Variants in MAP4 observed in about 807,000 individuals in gnomAD.
MAP4 encodes the protein microtubule-associated protein 4.
In MAP4, 76 loss-of-function variants were observed where a neutral mutation model predicts 170.2. That is an observed-to-expected ratio of 0.45 (90% CI 0.37 to 0.54). MAP4 has a LOEUF of 0.54. Among genes scored for constraint, MAP4 ranks in the 20% least tolerant of loss-of-function variants. The pLI is 0.00. For missense variants in MAP4, 2,506 were observed against 2,748.0 expected (o/e 0.91, Z 1.97); for synonymous variants, 909 against 994.5 (o/e 0.91, Z 1.62).
At chr3:47,858,021 CTTT>C (rs397817713) in intron 17 of MAP4, among the ~76,000 whole-genome samples, 2 of 118,370 alleles carry the variant, frequency 1.7e-5, no homozygotes, top group African/African-American at 3.3e-5. Flanking sequence ...CTGGCCTTCA[CTTT>C]TTTTTTTTTT....
chr3:47,940,785 A>G (rs1053481201), intron 3 of MAP4, among the ~76,000 whole-genome samples: 1 of 152,228 alleles, frequency 6.6e-6, no homozygotes, highest in Non-Finnish European at 1.5e-5. Context: ...AACAACCTTT[A>G]AGAAACTACC....
At chr3:47,895,820 C>T (rs1386506249) in intron 10 of MAP4, among the ~76,000 whole-genome samples, 1 of 152,188 alleles carries the variant, frequency 6.6e-6, no homozygotes, top group Non-Finnish European at 1.5e-5. Context: ...AGAGCAGAAA[C>T]CAGAAGAATG....
At chr3:47,880,576 A>T (rs1053900134) in intron 10 of MAP4, among the ~76,000 whole-genome samples, 1 of 146,980 alleles carries the variant, frequency 6.8e-6, no homozygotes, top group African/African-American at 2.5e-5. Flanking sequence ...AGAGACCCTA[A>T]TGCCTCAGCC....
chr3:48,088,093 G>T (rs1314303972), intron 1 of MAP4, among the ~76,000 whole-genome samples: 2 of 152,140 alleles, frequency 1.3e-5, no homozygotes, highest in Non-Finnish European at 2.9e-5. Context: ...CACACCGGCG[G>T]AGAACTTGTT....
In MAP4 at chr3:47,892,452, C is replaced by T. The variant is rs78421432; in HGVS notation, c.5434+10498G>A. On this transcript the variant is annotated intron_variant, in intron 10 of 20. Transcript: ENST00000683076. ...TTGCCCTTACTGAGCTGACCGTACGCGGCAGTGAGAGAGGCTGTCTGCTTG... is the reference window on the plus strand; with the variant it reads ...TTGCCCTTACTGAGCTGACCGTACGTGGCAGTGAGAGAGGCTGTCTGCTTG... 1,568 of 1,535,174 alleles carry T rather than the reference C, an allele frequency of 1.0e-3. 27 individuals carry two copies. The East Asian group carries it at 0.035, about 34-fold the overall frequency.
In MAP4 at chr3:47,902,965, C is replaced by G. The variant is rs1466491346; in HGVS notation, c.5419G>C (p.Gly1807Arg). ...LSSSTVYQQL[G>R]MSVYGIARPE... ...AGTTTCTCACCATAAACTGACATTCCCAGCTGCTGGTAGACAGTTGATGAG... is the reference window on the plus strand; with the variant it reads ...AGTTTCTCACCATAAACTGACATTCGCAGCTGCTGGTAGACAGTTGATGAG... Residue 1807 changes from glycine (G) to arginine (R), a missense_variant, in exon 10 of 21, where the codon GGA (glycine) becomes CGA (arginine). By Grantham distance (125) the Gly-to-Arg change is moderately radical. This residue lies in a region of MAP4 where 2,008 missense variants were observed against 2,206.0 expected (regional missense o/e 0.91). Transcript: ENST00000683076. 1.0e-6 allele frequency: 1 copy of G among 984,976 alleles called. No homozygotes were observed. Among genetic ancestry groups the G allele is most frequent in the Non-Finnish European group, 1.2e-6 (1 of 829,774 alleles). The allele number at this position is 984,976 out of a possible 1,614,324, so 61.0% of individuals were successfully genotyped here.
chr3:48,084,355 C>T, intron 1 of MAP4, among the ~76,000 whole-genome samples: 1 of 150,152 alleles, frequency 6.7e-6, no homozygotes, highest in Non-Finnish European at 1.5e-5. Context: ...CTATGATCTC[C>T]CCCACTGCTG....
chr3:47,949,516 T>C (rs970205747), intron 3 of MAP4, among the ~76,000 whole-genome samples: 4 of 149,306 alleles, frequency 2.7e-5, no homozygotes, highest in African/African-American at 9.9e-5. Flanking sequence ...AGAGCTTACA[T>C]TCTTGGCAAG....
At chr3:48,017,713 G>C (rs1456939071), upstream of MAP4, among the ~76,000 whole-genome samples, 1 of 152,024 alleles carries the variant, frequency 6.6e-6, no homozygotes, top group Non-Finnish European at 1.5e-5. Flanking sequence ...TGAAAGTCTT[G>C]AAATCAAGGT....
At chr3:48,030,225 T>C (rs2100115316) in intron 1 of MAP4, among the ~76,000 whole-genome samples, 1 of 151,110 alleles carries the variant, frequency 6.6e-6, no homozygotes, top group Admixed American at 6.6e-5. Context: ...CCTGTCTCAA[T>C]TAGAAAATAA....
At chr3:47,881,958 G>A (rs1324141755) in intron 10 of MAP4, among the ~76,000 whole-genome samples, 2 of 152,032 alleles carry the variant, frequency 1.3e-5, no homozygotes, top group East Asian at 3.9e-4. Context: ...TTTAATTGTA[G>A]TACTCAGACC....
intron 12 of MAP4, 107 bp from the exon 13 acceptor site, chr3:47,872,207 G>T: frequency 3.8e-6 from 4 of 1,054,416 alleles, no homozygotes; most frequent in Non-Finnish European, 5.5e-6. Context: ...TTTTGGAGAC[G>T]AAGTCTCACT....
chr3:47,909,180 T>G lies in MAP4; in HGVS notation c.5241A>C (p.Gly1747=), dbSNP rs1195613718. Residue 1747 remains glycine, a synonymous_variant, in exon 9 of 21, where the codon GGA becomes GGC. Transcript: ENST00000683076. ...MTEKSESKTP[G]EGKKEDKSRM... is the part of the protein sequence containing the mutation. ...TGCTTTTATCTTCCTTTTTCCCTTC[T>G]CCTGGTGTCTTTGATTCAGATTTTT... 7 of 1,614,006 alleles carry G rather than the reference T, an allele frequency of 4.3e-6. No homozygotes were observed. Among genetic ancestry groups the G allele is most frequent in the Non-Finnish European group, 5.9e-6 (7 of 1,179,886 alleles).
chr3:47,913,632 G>A (rs2100037082), intron 8 of MAP4, among the ~76,000 whole-genome samples: 2 of 152,206 alleles, frequency 1.3e-5, no homozygotes, highest in Admixed American at 6.5e-5. Context: ...TTAACATGGT[G>A]TATTTTGTAT....
intron 1 of MAP4, among the ~76,000 whole-genome samples, chr3:48,079,429 G>A (rs1044754951): frequency 2.2e-4 from 34 of 151,822 alleles, no homozygotes. Context: ...CAAGGTGGGC[G>A]CATCACTTGA....
intron 4 of MAP4, among the ~76,000 whole-genome samples, chr3:47,923,635 A>C (rs148586815): frequency 1.7e-4 from 26 of 151,318 alleles, no homozygotes; most frequent in Admixed American, 7.2e-4. Flanking sequence ...AAAAAAAAAA[A>C]AACAAACCCT....
intron 3 of MAP4, among the ~76,000 whole-genome samples, chr3:47,976,063 T>G (rs1308848477): frequency 6.6e-6 from 1 of 152,240 alleles, no homozygotes; most frequent in Non-Finnish European, 1.5e-5. Flanking sequence ...GTGCTGGGAT[T>G]ACAGGCGTGA....
intron 10 of MAP4, chr3:47,891,508 A>C (rs1365572931): frequency 1.6e-5 from 24 of 1,515,314 alleles, no homozygotes; most frequent in Middle Eastern, 3.4e-4. Context: ...GGCCAGAAGA[A>C]GGCTCTTCTC....
intron 3 of MAP4, among the ~76,000 whole-genome samples, chr3:47,937,280 T>C (rs1053447076): frequency 2.0e-5 from 3 of 152,278 alleles, no homozygotes; most frequent in Admixed American, 6.5e-5. Flanking sequence ...TTTAAGTAGA[T>C]GAAAGTACTC....
Sources: allele counts gnomAD v4.1 joint callset (sites outside exome capture counted in the v4.1 genomes callset), GRCh38; gene constraint gnomAD v4.1.1; regional missense constraint gnomAD v4.1.1; transcripts MANE v1.5; gene names NCBI Gene and HGNC (gene_info 2026-07-23, HGNC 2026-07-21).